Variants in GNG12 observed in about 807,000 individuals in gnomAD.
GNG12 encodes guanine nucleotide-binding protein G(I)/G(S)/G(O) subunit gamma-12.
For missense variants in GNG12, 69 were observed against 83.8 expected, an observed-to-expected ratio of 0.82 and a Z score of 0.69; for synonymous variants, 28 against 29.7, an observed-to-expected ratio of 0.94 and a Z score of 0.19.
chr1:67,794,076 G>A (rs552554346), intron 1 of GNG12, among the ~76,000 whole-genome samples: 29 of 152,262 alleles, frequency 1.9e-4, no homozygotes, highest in African/African-American at 7.0e-4. Context: ...ATGGGGGCTC[G>A]CAAATCCTGA....
chr1:67,829,751 T>C (rs1647032490), intron 1 of GNG12, among the ~76,000 whole-genome samples: 1 of 152,220 alleles, frequency 6.6e-6, no homozygotes, highest in Non-Finnish European at 1.5e-5. Flanking sequence ...ATCAATAATT[T>C]ACTCAATCAA....
chr1:67,757,437 C>T (rs1419231513), intron 2 of GNG12, among the ~76,000 whole-genome samples: 1 of 152,168 alleles, frequency 6.6e-6, no homozygotes, highest in Non-Finnish European at 1.5e-5. Context: ...TCTCCTTTGG[C>T]TCATCACTCA....
intron 2 of GNG12, among the ~76,000 whole-genome samples, chr1:67,773,447 G>GA (rs1646686168): frequency 6.6e-6 from 1 of 152,132 alleles, no homozygotes; most frequent in African/African-American, 2.4e-5. Flanking sequence ...GAGGGACCCA[G>GA]AAATGGACAA....
chr1:67,750,392 G>T (rs1434064687), intron 2 of GNG12, among the ~76,000 whole-genome samples: 1 of 152,156 alleles, frequency 6.6e-6, no homozygotes, highest in Non-Finnish European at 1.5e-5. Flanking sequence ...TGCTTTGTGG[G>T]CTCAGGCATT....
intron 2 of GNG12, among the ~76,000 whole-genome samples, chr1:67,742,542 T>C (rs1646488452): frequency 6.6e-6 from 1 of 152,130 alleles, no homozygotes; most frequent in Non-Finnish European, 1.5e-5. Flanking sequence ...AGTACGATTA[T>C]TATCTCAAAA....
chr1:67,809,645 A>C (rs1646912195), intron 1 of GNG12, among the ~76,000 whole-genome samples: 1 of 152,238 alleles, frequency 6.6e-6, no homozygotes. Flanking sequence ...CTCACCAAAG[A>C]AAACATACAG....
chr1:67,816,274 C>A (rs558084082), intron 1 of GNG12, among the ~76,000 whole-genome samples: 1 of 152,192 alleles, frequency 6.6e-6, no homozygotes, highest in African/African-American at 2.4e-5. Flanking sequence ...AAGATTACAG[C>A]CGACCGTAGT....
At chr1:67,764,035 CTTTG>C (rs1320694534) in intron 2 of GNG12, among the ~76,000 whole-genome samples, 1 of 152,112 alleles carries the variant, frequency 6.6e-6, no homozygotes, top group Admixed American at 6.5e-5. Context: ...GAATATATTC[CTTTG>C]TTTGTTTGCT....
At chr1:67,717,900 G>A (rs1646335622) in intron 2 of GNG12, among the ~76,000 whole-genome samples, 1 of 152,170 alleles carries the variant, frequency 6.6e-6, no homozygotes, top group South Asian at 2.1e-4. Flanking sequence ...ACGCTAAGTT[G>A]CTGTACTTCT....
chr1:67,805,104 A>C (rs1044633887), intron 1 of GNG12, among the ~76,000 whole-genome samples: 12 of 152,170 alleles, frequency 7.9e-5, no homozygotes, highest in Non-Finnish European at 1.5e-4. Flanking sequence ...ACCCTGTCCC[A>C]CCTAAGGGAA....
intron 3 of GNG12, among the ~76,000 whole-genome samples, chr1:67,706,950 G>A (rs897101360): frequency 6.6e-5 from 10 of 152,154 alleles, no homozygotes; most frequent in South Asian, 2.1e-4. Flanking sequence ...GTGAGCCACC[G>A]CGCCTGGCCA....
intron 1 of GNG12, among the ~76,000 whole-genome samples, chr1:67,823,594 T>C (rs1646995419): frequency 6.6e-6 from 1 of 152,170 alleles, no homozygotes; most frequent in South Asian, 2.1e-4. Context: ...ATCTCACTCA[T>C]AATCAAAAAT....
At chr1:67,825,889 C>T in intron 1 of GNG12, among the ~76,000 whole-genome samples, 1 of 152,176 alleles carries the variant, frequency 6.6e-6, no homozygotes, top group East Asian at 1.9e-4. Context: ...ACAATGTCAA[C>T]AGCACCCAAA....
rs868273802 is a variant in GNG12, at chr1:67,720,478, A to G, written c.-26-12766T>C. Among the ~76,000 whole-genome samples, 9 of 152,366 alleles carry G rather than the reference A, an allele frequency of 5.9e-5. No individual in the cohort carries two copies. In the South Asian group the frequency reaches 1.9e-3, roughly 32 times the overall value. On this transcript the variant is annotated intron_variant, in intron 2 of 3. Transcript: ENST00000370982. Reference sequence around the variant, plus strand: ...TGACAAAAGATTTGCTGATATCTGCATGGCTGGCTTAGGAGAGCCAGATAT... The same window carrying G: ...TGACAAAAGATTTGCTGATATCTGCGTGGCTGGCTTAGGAGAGCCAGATAT...
intron 2 of GNG12, among the ~76,000 whole-genome samples, chr1:67,730,374 A>C (rs986184644): frequency 7.9e-5 from 12 of 152,118 alleles, no homozygotes; most frequent in African/African-American, 2.9e-4. Flanking sequence ...GGTGGTGCAC[A>C]TCTGTAGTTC....
intron 1 of GNG12, among the ~76,000 whole-genome samples, chr1:67,807,489 A>T (rs1337047017): frequency 6.6e-6 from 1 of 151,962 alleles, no homozygotes; most frequent in African/African-American, 2.4e-5. Context: ...AAATCAATGA[A>T]ATTAAACAGA....
At chr1:67,736,970 G>A (rs1384584478) in intron 2 of GNG12, among the ~76,000 whole-genome samples, 1 of 152,214 alleles carries the variant, frequency 6.6e-6, no homozygotes, top group East Asian at 1.9e-4. Context: ...GGTTGGAGGA[G>A]TGAGTGAGCA....
chr1:67,740,987 T>C (rs991215938), intron 2 of GNG12, among the ~76,000 whole-genome samples: 5 of 152,182 alleles, frequency 3.3e-5, no homozygotes, highest in African/African-American at 1.2e-4. Flanking sequence ...TTTTATCCAC[T>C]AGTTCTTAAA....
intron 1 of GNG12, among the ~76,000 whole-genome samples, chr1:67,792,132 G>A (rs956212850): frequency 2.0e-5 from 3 of 151,914 alleles, no homozygotes; most frequent in Non-Finnish European, 1.5e-5. Flanking sequence ...TTTCTTCTTG[G>A]TACGTACCCC....
Sources: allele counts gnomAD v4.1 joint callset (sites outside exome capture counted in the v4.1 genomes callset), GRCh38; gene constraint gnomAD v4.1.1; transcripts MANE v1.5; gene names NCBI Gene and HGNC (gene_info 2026-07-23, HGNC 2026-07-21).